The following PKNOX2 variants were observed in gnomAD, a reference collection of about 807,000 sequenced individuals.
PKNOX2 encodes homeobox protein PKNOX2.
PKNOX2 carries 14 observed loss-of-function variants against 53.1 expected under a neutral mutation model. That is an observed-to-expected ratio of 0.26 (90% CI 0.17 to 0.41). PKNOX2 has a LOEUF of 0.41. Ranked by LOEUF, PKNOX2 falls within the 10% of genes least tolerant of loss-of-function variation. The pLI, the probability that PKNOX2 is intolerant of heterozygous loss-of-function variation, is 1.00. For missense variants in PKNOX2, 496 were observed against 602.8 expected (o/e 0.82, Z 1.85); for synonymous variants, 257 against 242.8 (o/e 1.06, Z -0.54).
intron 6 of PKNOX2, among the ~76,000 whole-genome samples, chr11:125,389,883 G>A (rs1010503036): frequency 1.1e-4 from 16 of 152,074 alleles, no homozygotes; most frequent in East Asian, 1.9e-4. Context: ...CTGCCTGACC[G>A]CAAAGCCAGC....
chr11:125,249,657 A>G (rs529117555), intron 2 of PKNOX2, among the ~76,000 whole-genome samples: 2 of 152,304 alleles, frequency 1.3e-5, no homozygotes, highest in East Asian at 1.9e-4. Flanking sequence ...TCGAGTGTCC[A>G]TGGATTTTGG....
chr11:125,315,303 G>GAAAAAAAAAAAAAAAAAAAA (rs534448203), intron 2 of PKNOX2, among the ~76,000 whole-genome samples: 33 of 79,440 alleles, frequency 4.2e-4, no homozygotes, highest in Non-Finnish European at 5.8e-4. Context: ...TGTGAAGCAG[G>GAAAAAAAAAAAAAAAAAAAA]AAAAAAAAAA....
chr11:125,401,803 A>ACG (rs1399918373), intron 7 of PKNOX2, among the ~76,000 whole-genome samples: 1 of 149,120 alleles, frequency 6.7e-6, no homozygotes, highest in African/African-American at 2.5e-5. Flanking sequence ...GTGTGTGCAC[A>ACG]CGCGGGCACA....
At chr11:125,353,085 C>T (rs1201374413) in intron 4 of PKNOX2, among the ~76,000 whole-genome samples, 5 of 152,212 alleles carry the variant, frequency 3.3e-5, no homozygotes, top group East Asian at 1.9e-4. Context: ...CAGCACACAT[C>T]GATGCCCACA....
At chr11:125,429,401 A>G (rs1956585559) in intron 11 of PKNOX2, among the ~76,000 whole-genome samples, 1 of 152,172 alleles carries the variant, frequency 6.6e-6, no homozygotes, top group African/African-American at 2.4e-5. Context: ...GACAGACAGG[A>G]TTGCCCGCAG....
At chr11:125,195,089 A>T (rs556294508) in intron 1 of PKNOX2, among the ~76,000 whole-genome samples, 2 of 152,312 alleles carry the variant, frequency 1.3e-5, no homozygotes, top group Admixed American at 6.5e-5. Flanking sequence ...ACTAGCACCC[A>T]GGGAGTCTGT....
chr11:125,391,362 G>A (rs1463686103), intron 6 of PKNOX2, among the ~76,000 whole-genome samples: 2 of 152,186 alleles, frequency 1.3e-5, no homozygotes, highest in Non-Finnish European at 2.9e-5. Context: ...TTATTATCAA[G>A]TGGAAAGGCC....
At position 125,410,283 on chromosome 11, in the gene PKNOX2, G is replaced by A; in HGVS notation, c.676G>A (p.Gly226Ser). The A allele has an allele frequency of 6.2e-7, 1 of 1,614,090 alleles. No individual in the cohort carries two copies. The highest frequency in any genetic ancestry group is 8.5e-7 in the Non-Finnish European group (1 of 1,180,008). ...GGTCCCAGCCTCAGCGCTCCAGCAG[G>A]GCAACATCGCCATGACAACCGTCAA... ...IVVPASALQQ[G>S]NIAMTTVNSQ... is the part of the protein sequence containing the mutation. Residue 226 changes from glycine (G) to serine (S), a missense_variant, in exon 8 of 13, where the codon GGC becomes AGC. This residue lies in a region of PKNOX2 where 141 missense variants were observed against 143.9 expected (regional missense o/e 0.98). Coordinates refer to ENST00000298282, the MANE Select transcript of PKNOX2 (RefSeq NM_001382323.2).
intron 1 of PKNOX2, among the ~76,000 whole-genome samples, chr11:125,226,568 C>T (rs538993566): frequency 3.3e-5 from 5 of 152,224 alleles, no homozygotes; most frequent in African/African-American, 7.2e-5. Context: ...CTTTCCAACA[C>T]GCCAAACCAT....
chr11:125,254,421 G>A (rs949651927), intron 2 of PKNOX2, among the ~76,000 whole-genome samples: 8 of 152,224 alleles, frequency 5.3e-5, no homozygotes, highest in African/African-American at 1.7e-4. Context: ...GGGCAGCAAG[G>A]GGAGAAAGAA....
chr11:125,177,842 G>A (rs1024913621), intron 1 of PKNOX2, among the ~76,000 whole-genome samples: 3 of 152,174 alleles, frequency 2.0e-5, no homozygotes, highest in African/African-American at 7.2e-5. Flanking sequence ...GGGAGGCTTC[G>A]CAGAAGCAGG....
intron 7 of PKNOX2, among the ~76,000 whole-genome samples, chr11:125,405,316 T>C (rs1235205442): frequency 6.6e-6 from 1 of 152,250 alleles, no homozygotes; most frequent in African/African-American, 2.4e-5. Flanking sequence ...CACTCCTTCA[T>C]GTCTTTGTCC....
intron 4 of PKNOX2, among the ~76,000 whole-genome samples, chr11:125,357,134 T>C (rs1280031065): frequency 6.6e-6 from 1 of 152,236 alleles, no homozygotes; most frequent in East Asian, 1.9e-4. Context: ...TTCCCTTGCT[T>C]CGACTCACCA....
intron 5 of PKNOX2, among the ~76,000 whole-genome samples, chr11:125,380,062 G>T (rs528110782): frequency 1.3e-5 from 2 of 152,196 alleles, no homozygotes; most frequent in African/African-American, 4.8e-5. Flanking sequence ...TGTTATTCGC[G>T]ATCATCTCTT....
chr11:125,241,724 G>A (rs373843405), intron 2 of PKNOX2, among the ~76,000 whole-genome samples: 4 of 152,148 alleles, frequency 2.6e-5, no homozygotes, highest in South Asian at 4.1e-4. Context: ...GCGTAGTGGC[G>A]CATGCCTGTA....
chr11:125,286,153 T>C (rs1946884939), intron 2 of PKNOX2, among the ~76,000 whole-genome samples: 1 of 152,136 alleles, frequency 6.6e-6, no homozygotes, highest in Admixed American at 6.5e-5. Flanking sequence ...CGGAGGTACT[T>C]GTGGATGCAC....
intron 2 of PKNOX2, among the ~76,000 whole-genome samples, chr11:125,306,143 C>A (rs1284004083): frequency 4.6e-5 from 7 of 152,166 alleles, no homozygotes; most frequent in African/African-American, 1.7e-4. Flanking sequence ...GTCTCTCACA[C>A]CCCTTCCCAC....
intron 7 of PKNOX2, among the ~76,000 whole-genome samples, chr11:125,400,862 T>G (rs555747665): frequency 6.6e-6 from 1 of 152,206 alleles, no homozygotes; most frequent in South Asian, 2.1e-4. Flanking sequence ...GAGACAGTAT[T>G]TTACATGTTT....
Position 125,385,714 on chromosome 11 carries a change from G to A in PKNOX2, c.391G>A (p.Asp131Asn). 6.2e-7 allele frequency: 1 copy of A among 1,613,504 alleles called. No individual in the cohort carries two copies. The highest frequency in any genetic ancestry group is 1.1e-5 in the South Asian group (1 of 90,898). Residue 131 changes from aspartate to asparagine, a missense_variant, in exon 6 of 13, where the codon GAC becomes AAC. Physicochemically the swap from Asp to Asn is conservative, Grantham distance 23. Around this residue, in one of 5 missense-constraint regions of PKNOX2, gnomAD observed 168 missense variants for 178.4 expected, o/e 0.94. Coordinates refer to ENST00000298282, the MANE Select transcript of PKNOX2 (RefSeq NM_001382323.2). ...CTTCTTCAGCGATGACCCAGAACTG[G>A]ACAATCTGGTAAAGACCCTCCACCC... ...KPFFSDDPEL[D>N]NLMVKAIQVL...
Sources: gnomAD v4.1 joint callset for allele counts (sites outside exome capture counted in the v4.1 genomes callset) on GRCh38, gnomAD v4.1.1 for gene constraint, gnomAD v4.1.1 regional missense constraint, MANE v1.5 for transcripts, NCBI Gene and HGNC (gene_info 2026-07-23, HGNC 2026-07-21) for gene names.